The following ULK4 variants were observed in gnomAD, a reference collection of about 807,000 sequenced individuals.
ULK4 encodes unc-51 like kinase 4.
ULK4 carries 133 observed loss-of-function variants against 160.6 expected under a neutral mutation model. The ratio of observed to expected loss-of-function variants is 0.83; its 90% CI spans 0.72 to 0.96. The LOEUF is 0.96. Ranked by LOEUF, ULK4 falls within the 40% of genes least tolerant of loss-of-function variation. The pLI, the probability that ULK4 is intolerant of heterozygous loss-of-function variation, is 0.00. For missense variants in ULK4, 1,580 were observed against 1,499.5 expected, an observed-to-expected ratio of 1.05 and a Z score of -0.89; for synonymous variants, 534 against 539.8, an observed-to-expected ratio of 0.99 and a Z score of 0.15.
intron 30 of ULK4, among the ~76,000 whole-genome samples, chr3:41,643,327 G>C (rs1251360918): frequency 6.6e-5 from 10 of 152,068 alleles, no homozygotes; most frequent in East Asian, 3.9e-4. Flanking sequence ...GGTTTTAGGT[G>C]TAACGTTTAA....
intron 30 of ULK4, among the ~76,000 whole-genome samples, chr3:41,651,280 C>T (rs2034730784): frequency 2.0e-5 from 3 of 152,262 alleles, no homozygotes; most frequent in African/African-American, 4.8e-5. Flanking sequence ...CAATTAGCTC[C>T]CTCTCCTCAA....
intron 33 of ULK4, among the ~76,000 whole-genome samples, chr3:41,458,024 T>A (rs968343225): frequency 1.3e-5 from 2 of 152,094 alleles, no homozygotes; most frequent in Non-Finnish European, 2.9e-5. Context: ...GAGGGAAATT[T>A]TAAGAACGCC....
chr3:41,618,564 G>A (rs931424638), intron 30 of ULK4, among the ~76,000 whole-genome samples: 3 of 152,058 alleles, frequency 2.0e-5, no homozygotes, highest in Non-Finnish European at 4.4e-5. Flanking sequence ...CTTTCCAGAT[G>A]AGCAAATGCT....
chr3:41,792,405 TA>T (rs1342279248), intron 20 of ULK4, among the ~76,000 whole-genome samples: 2 of 151,972 alleles, frequency 1.3e-5, no homozygotes, highest in Non-Finnish European at 2.9e-5. Flanking sequence ...CTAATCCAAG[TA>T]TTTTTTTTAA....
chr3:41,813,062 C>A (rs779068655), intron 19 of ULK4, among the ~76,000 whole-genome samples: 7 of 152,154 alleles, frequency 4.6e-5, no homozygotes, highest in Non-Finnish European at 8.8e-5. Flanking sequence ...GGGTACTGAA[C>A]TGACATCTGG....
chr3:41,926,582 A>G (rs1280959394), intron 5 of ULK4, among the ~76,000 whole-genome samples: 1 of 151,820 alleles, frequency 6.6e-6, no homozygotes, highest in Non-Finnish European at 1.5e-5. Flanking sequence ...AACCCAATGC[A>G]AGGAAGCTAA....
chr3:41,548,797 G>A (rs900047104), intron 32 of ULK4, among the ~76,000 whole-genome samples: 4 of 151,982 alleles, frequency 2.6e-5, no homozygotes, highest in African/African-American at 9.7e-5. Context: ...GCACCCTCAG[G>A]TCACTGCCGC....
chr3:41,536,484 C>T (rs1363224905), intron 32 of ULK4, among the ~76,000 whole-genome samples: 2 of 152,150 alleles, frequency 1.3e-5, no homozygotes, highest in East Asian at 3.9e-4. Context: ...CAACTTTTGA[C>T]TCCCCCAAAA....
chr3:41,330,757 A>G (rs1053482298), intron 35 of ULK4, among the ~76,000 whole-genome samples: 40 of 152,206 alleles, frequency 2.6e-4, no homozygotes, highest in African/African-American at 9.6e-4. Context: ...CTCTGGGAGT[A>G]GTCTAGCCAA....
intron 3 of ULK4, chr3:41,937,112 T>C (rs1256149301): frequency 2.2e-6 from 1 of 447,060 alleles, no homozygotes; most frequent in Non-Finnish European, 4.0e-6. Flanking sequence ...TCTGCTGGCA[T>C]TGAAAAGTTG....
At chr3:41,721,279 T>TTTTTTTTTTTTTTTTTTGG (rs67078043) in intron 22 of ULK4, among the ~76,000 whole-genome samples, 2 of 98,920 alleles carry the variant, frequency 2.0e-5, no homozygotes, top group African/African-American at 4.4e-5. Flanking sequence ...TTTTTTTTTT[T>TTTTTTTTTTTTTTTTTTGG]TTTTTGGGTT....
chr3:41,468,600 T>A (rs2083893892), intron 32 of ULK4, among the ~76,000 whole-genome samples: 2 of 152,104 alleles, frequency 1.3e-5, no homozygotes, highest in Admixed American at 1.3e-4. Context: ...CCTCCAAAAT[T>A]GGGAATAAGC....
At chr3:41,734,511 A>T (rs921251040) in intron 22 of ULK4, among the ~76,000 whole-genome samples, 5 of 152,336 alleles carry the variant, frequency 3.3e-5, no homozygotes, top group African/African-American at 1.2e-4. Context: ...CTAAGTGTAT[A>T]TCAGCACATA....
At chr3:41,918,997 T>C (rs62257260) in intron 6 of ULK4, among the ~76,000 whole-genome samples, 3,552 of 152,328 alleles carry the variant, frequency 0.023, 45 homozygotes, top group Middle Eastern at 0.041. Context: ...ATGCCTAGTA[T>C]GTACGAGGCA....
At chr3:41,547,161 G>A (rs1036587389) in intron 32 of ULK4, among the ~76,000 whole-genome samples, 2 of 152,064 alleles carry the variant, frequency 1.3e-5, no homozygotes, top group Non-Finnish European at 2.9e-5. Flanking sequence ...GTAGGTTCAA[G>A]GTAACATCAA....
At chr3:41,565,046 T>C (rs879347190) in intron 32 of ULK4, among the ~76,000 whole-genome samples, 2 of 152,220 alleles carry the variant, frequency 1.3e-5, no homozygotes, top group Non-Finnish European at 2.9e-5. Flanking sequence ...GTGTTAAAAG[T>C]GACTACAGTA....
At chr3:41,390,358 C>G (rs921544369) in intron 35 of ULK4, among the ~76,000 whole-genome samples, 39 of 152,258 alleles carry the variant, frequency 2.6e-4, no homozygotes, top group African/African-American at 8.7e-4. Flanking sequence ...TTTTGTGTCT[C>G]TATTTCCTTC....
At chr3:41,801,914 C>T (rs1389584178) in intron 19 of ULK4, among the ~76,000 whole-genome samples, 2 of 150,732 alleles carry the variant, frequency 1.3e-5, no homozygotes, top group Non-Finnish European at 3.0e-5. Flanking sequence ...AGTAAAAAGG[C>T]ATATTCCACA....
chr3:41,856,618 CATATATATATATGT>C (rs1235816661), intron 17 of ULK4, among the ~76,000 whole-genome samples: 1 of 91,174 alleles, frequency 1.1e-5, no homozygotes, highest in Non-Finnish European at 2.0e-5. Context: ...TATATATACA[CATATATATATATGT>C]ATATATATGT....
Sources: gnomAD v4.1 joint callset for allele counts (sites outside exome capture counted in the v4.1 genomes callset) on GRCh38, gnomAD v4.1.1 for gene constraint, MANE v1.5 for transcripts, NCBI Gene and HGNC (gene_info 2026-07-23, HGNC 2026-07-21) for gene names.